Variants in MYD88 observed in about 807,000 individuals in gnomAD.
MYD88 encodes the protein myeloid differentiation primary response protein MyD88.
A neutral mutation model predicts 31.1 loss-of-function variants in MYD88; 15 were observed. The observed-to-expected ratio is 0.48, with a 90% CI of 0.32 to 0.74. The LOEUF is 0.74. MYD88 is among the 30% of genes least tolerant of loss of function. The pLI is 0.03. For missense variants in MYD88, 308 were observed against 387.4 expected, an observed-to-expected ratio of 0.79 and a Z score of 1.72; for synonymous variants, 157 against 158.8, an observed-to-expected ratio of 0.99 and a Z score of 0.08.
At position 38,141,469 on chromosome 3, in the gene MYD88, A is replaced by G. The variant is rs1334001169; in HGVS notation, c.*183A>G. 1 of 749,974 alleles carries G rather than the reference A, an allele frequency of 1.3e-6. No individual in the cohort carries two copies. The allele number at this position is 749,974 out of a possible 1,614,324, so 46.5% of individuals were successfully genotyped here. Reference sequence around the variant, plus strand: ...CACATTTCATGTCCTGCATGGAACCAGTGGCTGTGAGTGGCATGTCCACTT... The same window carrying G: ...CACATTTCATGTCCTGCATGGAACCGGTGGCTGTGAGTGGCATGTCCACTT... On this transcript the variant is annotated 3_prime_UTR_variant, in exon 5 of 5. Coordinates refer to ENST00000650905, the MANE Select transcript of MYD88 (RefSeq NM_002468.5).
At chr3:38,140,634 G>A (rs1399575231) in intron 3 of MYD88, 66 bp downstream of exon 3, 1 of 1,608,688 alleles carries the variant, frequency 6.2e-7, no homozygotes, top group South Asian at 1.1e-5. Flanking sequence ...TCCAGATACT[G>A]GGCATCTCCT....
intron 3 of MYD88, 26 bp from the exon 4 acceptor site, chr3:38,140,731 C>CTAAG: frequency 6.2e-7 from 1 of 1,610,894 alleles, no homozygotes; most frequent in Non-Finnish European, 8.5e-7. Context: ...TGCCACAGGA[C>CTAAG]CTGCAGCCTG....
In MYD88 at chr3:38,142,897, GT is replaced by G. The variant is rs901149814; in HGVS notation, c.*1615del. 4.3e-6 allele frequency: 1 copy of G among 233,102 alleles called. No homozygotes were observed. Among genetic ancestry groups the G allele is most frequent in the African/African-American group, 2.2e-5 (1 of 45,312 alleles). 14.4% of individuals were successfully genotyped at this position (233,102 alleles called of 1,614,324 possible). On this transcript the variant is annotated 3_prime_UTR_variant, in exon 5 of 5. Transcript: ENST00000650905. ...CCATCTCAAGAGGCATCTTCTACAT[GT>G]TTTGTACGCATTAAAATAATTTCAA... is the stretch of plus-strand genomic sequence containing the variant.
rs753705353 is a variant in MYD88, at chr3:38,138,679, T to A, written c.-22T>A. ...GGCAGACAATGCGACCCGACCGCGC[T>A]GAGGCTCCAGGACCGCCCGCCATGG... On this transcript the variant is annotated 5_prime_UTR_variant, in exon 1 of 5. Coordinates refer to ENST00000650905, the MANE Select transcript of MYD88 (RefSeq NM_002468.5). The surrounding 1 kb of genome is among the most constrained non-coding windows in gnomAD (Gnocchi z 6.4). 6.4e-7 allele frequency: 1 copy of A among 1,573,470 alleles called. No homozygotes were observed. Among genetic ancestry groups the A allele is most frequent in the Non-Finnish European group, 8.7e-7 (1 of 1,155,444 alleles).
chr3:38,139,559 T>G lies in MYD88; in HGVS notation c.329-305T>G, dbSNP rs1202816757. The G allele has an allele frequency of 8.5e-6, 4 of 470,758 alleles. No individual in the cohort carries two copies. Among genetic ancestry groups the G allele is most frequent in the Non-Finnish European group, 1.6e-5 (4 of 255,832 alleles). 29.2% of individuals were successfully genotyped at this position (470,758 alleles called of 1,614,324 possible). A position where few individuals can be genotyped will look rare whatever the true frequency, so the allele number is the denominator to read the frequency against. On this transcript the variant is annotated intron_variant, in intron 1 of 4. Coordinates refer to ENST00000650905, the MANE Select transcript of MYD88 (RefSeq NM_002468.5). The surrounding 1 kb of genome is among the most constrained non-coding windows in gnomAD (Gnocchi z 4.7). ...CCCAGCCCCTTGCTCACATCTGCCC[T>G]GGATCCCAGAAGAAGCAGACCTACC...
At position 38,138,844 on chromosome 3, in the gene MYD88, C is replaced by T; in HGVS notation, c.144C>T (p.Thr48=). The T allele has an allele frequency of 6.2e-7, 1 of 1,613,846 alleles. No homozygotes were observed. The highest frequency in any genetic ancestry group is 8.5e-7 in the Non-Finnish European group (1 of 1,180,012). The part of the protein sequence containing the change: ...NVRTQVAADW[T]ALAEEMDFEY... ...GGACACAGGTGGCGGCCGACTGGAC[C>T]GCGCTGGCGGAGGAGATGGACTTTG... The change falls in exon 1 of 5, where the codon ACC becomes ACT. Residue 48 remains threonine, a synonymous_variant. Coordinates refer to ENST00000650905, the MANE Select transcript of MYD88 (RefSeq NM_002468.5). The surrounding 1 kb of genome is among the most constrained non-coding windows in gnomAD (Gnocchi z 6.4).
At chr3:38,140,064 T>C in intron 2 of MYD88, 66 bp downstream of exon 2, 2 of 1,590,814 alleles carry the variant, frequency 1.3e-6, no homozygotes, top group Non-Finnish European at 1.7e-6. Context: ...AGAGCATGGG[T>C]GTTTGAAGCA....
At position 38,139,970 on chromosome 3, in the gene MYD88, G is replaced by A. The variant is rs745818810; in HGVS notation, c.435G>A (p.Ala145=). The A allele has an allele frequency of 1.9e-6, 3 of 1,613,640 alleles. No individual in the cohort carries two copies. The highest frequency in any genetic ancestry group is 1.1e-5 in the South Asian group (1 of 91,030). ...GTGTCCCACGGACAGCAGAGCTGGC[G>A]GGCATCACCACACTTGATGACCCCC... ...DSSVPRTAEL[A]GITTLDDPLG... Residue 145 remains alanine (A), a synonymous_variant, in exon 2 of 5, where the codon GCG becomes GCA. Transcript: ENST00000650905. The surrounding 1 kb of genome is among the most constrained non-coding windows in gnomAD (Gnocchi z 4.7).
At position 38,141,311 on chromosome 3, in the gene MYD88, G is replaced by A. The variant is rs779074080; in HGVS notation, c.*25G>A. 9 of 1,614,090 alleles carry A rather than the reference G, an allele frequency of 5.6e-6. No homozygotes were observed. In the South Asian group the frequency reaches 9.9e-5, roughly 18 times the overall value. On this transcript the variant is annotated 3_prime_UTR_variant, in exon 5 of 5. Transcript: ENST00000650905. ...AAGACTGTTCTGAGGCCCTGGGTGTGTGTGTATCTGTCTGCCTGTCCATGT... is the reference window on the plus strand; with the variant it reads ...AAGACTGTTCTGAGGCCCTGGGTGTATGTGTATCTGTCTGCCTGTCCATGT...
chr3:38,141,549 C>A lies in MYD88; in HGVS notation c.*263C>A, dbSNP rs2125781125. 1 of 553,852 alleles carries A rather than the reference C, an allele frequency of 1.8e-6. No individual in the cohort carries two copies. The highest frequency in any genetic ancestry group is 1.9e-5 in the African/African-American group (1 of 53,728). The allele number at this position is 553,852 out of a possible 1,614,324, so 34.3% of individuals were successfully genotyped here. ...CAGGACCAGCTGAGACTAAGAAGGA[C>A]CAGCAGAGCCAGCTCAGCTCTGAGC... On this transcript the variant is annotated 3_prime_UTR_variant, in exon 5 of 5. Coordinates refer to ENST00000650905, the MANE Select transcript of MYD88 (RefSeq NM_002468.5).
In MYD88 at chr3:38,141,823, G is replaced by A. The variant is rs1284317936; in HGVS notation, c.*537G>A. The A allele has an allele frequency of 1.1e-5, 3 of 276,730 alleles. No homozygotes were observed. The highest frequency in any genetic ancestry group is 2.1e-5 in the African/African-American group (1 of 47,170). The allele number at this position is 276,730 out of a possible 1,614,324, so 17.1% of individuals were successfully genotyped here. ...TGATGCTTCAGTGCCTCTGCACACC[G>A]CCCATTCCACTTCCTCCTTCCCCAC... On this transcript the variant is annotated 3_prime_UTR_variant, in exon 5 of 5. Transcript: ENST00000650905.
chr3:38,142,618 A>G lies in MYD88; in HGVS notation c.*1332A>G. 4.3e-6 allele frequency: 1 copy of G among 233,356 alleles called. No individual in the cohort carries two copies. Among genetic ancestry groups the G allele is most frequent in the Non-Finnish European group, 8.5e-6 (1 of 118,096 alleles). 14.5% of individuals were successfully genotyped at this position (233,356 alleles called of 1,614,324 possible). ...TGTTCTCTCCCTCTCTCCTTCCCAG[A>G]GCAATTTATACTTTACCCTCAGGCT... On this transcript the variant is annotated 3_prime_UTR_variant, in exon 5 of 5. Coordinates refer to ENST00000650905, the MANE Select transcript of MYD88 (RefSeq NM_002468.5).
At position 38,141,878 on chromosome 3, in the gene MYD88, C is replaced by A. The variant is rs1410055525; in HGVS notation, c.*592C>A. 7.7e-6 allele frequency: 2 copies of A among 258,294 alleles called. No homozygotes were observed. Among genetic ancestry groups the A allele is most frequent in the African/African-American group, 2.2e-5 (1 of 46,208 alleles). 16.0% of individuals were successfully genotyped at this position (258,294 alleles called of 1,614,324 possible). A position where few individuals can be genotyped will look rare whatever the true frequency, so the allele number is the denominator to read the frequency against. On this transcript the variant is annotated 3_prime_UTR_variant, in exon 5 of 5. Coordinates refer to ENST00000650905, the MANE Select transcript of MYD88 (RefSeq NM_002468.5). Reference sequence around the variant, plus strand: ...CAGGTGGGGAAGCAGTTTGGCCCAGCCCAAGGAGACCCCACCTTGAGCCTT... The same window carrying A: ...CAGGTGGGGAAGCAGTTTGGCCCAGACCAAGGAGACCCCACCTTGAGCCTT...
In MYD88 at chr3:38,141,800, A is replaced by G. The variant is rs1391496802; in HGVS notation, c.*514A>G. 2.2e-5 allele frequency: 7 copies of G among 316,802 alleles called. No homozygotes were observed. In the South Asian group the frequency reaches 3.4e-4, roughly 15 times the overall value. 19.6% of individuals were successfully genotyped at this position (316,802 alleles called of 1,614,324 possible). Reference sequence around the variant, plus strand: ...GCTTCTTCCACAGTGATGCCTACTGATGCTTCAGTGCCTCTGCACACCGCC... The same window carrying G: ...GCTTCTTCCACAGTGATGCCTACTGGTGCTTCAGTGCCTCTGCACACCGCC... On this transcript the variant is annotated 3_prime_UTR_variant, in exon 5 of 5. Transcript: ENST00000650905.
rs2125777145 is a variant in MYD88 at position 38,139,832 on chromosome 3, G to A, written c.329-32G>A. 1 of 1,611,322 alleles carries A rather than the reference G, an allele frequency of 6.2e-7. No individual in the cohort carries two copies. Among genetic ancestry groups the A allele is most frequent in the African/African-American group, 1.3e-5 (1 of 74,992 alleles). On this transcript the variant is annotated intron_variant, in intron 1 of 4. Coordinates refer to ENST00000650905, the MANE Select transcript of MYD88 (RefSeq NM_002468.5). The surrounding 1 kb of genome is among the most constrained non-coding windows in gnomAD (Gnocchi z 4.7). ...TGGGTAAAGAGGTAGGCACTCCCAG[G>A]GAGGCTGCTTTACTCTGTCTCTTCC...
chr3:38,141,444 C>G lies in MYD88; in HGVS notation c.*158C>G. 2.1e-6 allele frequency: 2 copies of G among 963,464 alleles called. No individual in the cohort carries two copies. Among genetic ancestry groups the G allele is most frequent in the Non-Finnish European group, 3.3e-6 (2 of 611,502 alleles). The allele number at this position is 963,464 out of a possible 1,614,324, so 59.7% of individuals were successfully genotyped here. A position where few individuals can be genotyped will look rare whatever the true frequency, so the allele number is the denominator to read the frequency against. On this transcript the variant is annotated 3_prime_UTR_variant, in exon 5 of 5. Coordinates refer to ENST00000650905, the MANE Select transcript of MYD88 (RefSeq NM_002468.5). ...AGACACGTCTGCAGCAGCTGGACAT[C>G]ACATTTCATGTCCTGCATGGAACCA...
In MYD88 at chr3:38,142,342, A is replaced by G. The variant is rs1701099862; in HGVS notation, c.*1056A>G. 1 of 233,238 alleles carries G rather than the reference A, an allele frequency of 4.3e-6. No homozygotes were observed. Among genetic ancestry groups the G allele is most frequent in the Non-Finnish European group, 8.5e-6 (1 of 118,102 alleles). 14.4% of individuals were successfully genotyped at this position (233,238 alleles called of 1,614,324 possible). A position where few individuals can be genotyped will look rare whatever the true frequency, so the allele number is the denominator to read the frequency against. The stretch of plus-strand genomic sequence containing the variant: ...GACATGTACTCTCACACACACAGGC[A>G]CCAGCATACACACGTTTTTCTAGGT... On this transcript the variant is annotated 3_prime_UTR_variant, in exon 5 of 5. Coordinates refer to ENST00000650905, the MANE Select transcript of MYD88 (RefSeq NM_002468.5).
In MYD88 at chr3:38,142,233, G is replaced by A. The variant is rs937209775; in HGVS notation, c.*947G>A. On this transcript the variant is annotated 3_prime_UTR_variant, in exon 5 of 5. Coordinates refer to ENST00000650905, the MANE Select transcript of MYD88 (RefSeq NM_002468.5). Reference sequence around the variant, plus strand: ...ACAAAGTTATTTGTTTACAAACAGCGACCATATAAAAGCCTCCTGCCCCAA... The same window carrying A: ...ACAAAGTTATTTGTTTACAAACAGCAACCATATAAAAGCCTCCTGCCCCAA... 4 of 233,098 alleles carry A rather than the reference G, an allele frequency of 1.7e-5. No individual in the cohort carries two copies. The highest frequency in any genetic ancestry group is 2.5e-5 in the Non-Finnish European group (3 of 118,072). 14.4% of individuals were successfully genotyped at this position (233,098 alleles called of 1,614,324 possible).
rs996743000 is a variant in MYD88 at position 38,142,775 on chromosome 3, G to A, written c.*1489G>A. The A allele has an allele frequency of 8.2e-5, 19 of 233,122 alleles. No individual in the cohort carries two copies. Among genetic ancestry groups the A allele is most frequent in the Middle Eastern group, 1.2e-3 (1 of 808 alleles). The allele number at this position is 233,122 out of a possible 1,614,324, so 14.4% of individuals were successfully genotyped here. ...GGCTGGAGCAAGGTACCTTTTCTTA[G>A]GATCTTGGGAGGGAATGGATGCCCC... On this transcript the variant is annotated 3_prime_UTR_variant, in exon 5 of 5. Transcript: ENST00000650905.
Sources: gnomAD v4.1 joint callset for allele counts on GRCh38, gnomAD v4.1.1 for gene constraint, Gnocchi (gnomAD v3.1) non-coding constraint, MANE v1.5 for transcripts, NCBI Gene and HGNC (gene_info 2026-07-23, HGNC 2026-07-21) for gene names.